NUDT18: variants seen among roughly 807,000 people sequenced by gnomAD.
NUDT18 encodes the protein nudix hydrolase 18.
NUDT18 carries 26 observed loss-of-function variants against 27.6 expected under a neutral mutation model. The ratio of observed to expected loss-of-function variants is 0.94; its 90% CI spans 0.69 to 1.31. The LOEUF (loss-of-function observed/expected upper bound fraction) is 1.31, where lower values mean the gene tolerates loss of function less well. Ranked by LOEUF, NUDT18 falls within the 50% of genes most tolerant of loss-of-function variation. The pLI is 0.00. For synonymous variants in NUDT18, 220 were observed against 196.9 expected (o/e 1.12, Z -0.98); for missense variants, 450 against 433.4 (o/e 1.04, Z -0.34).
chr8:22,107,998 C>A, intron 2 of NUDT18, 103 bp from the exon 3 acceptor site: 3 of 1,359,936 alleles, frequency 2.2e-6, no homozygotes, highest in Non-Finnish European at 2.9e-6. Flanking sequence ...AGGCCCCCAG[C>A]CCAAAGGCTG....
At chr8:22,108,802 C>T (rs1016026282) in intron 1 of NUDT18, among the ~76,000 whole-genome samples, 1 of 152,224 alleles carries the variant, frequency 6.6e-6, no homozygotes, top group Non-Finnish European at 1.5e-5. Context: ...GTCTAGTTGT[C>T]ATTACATCGC....
At chr8:22,108,507 CCT>C (rs1275121071) in intron 1 of NUDT18, among the ~76,000 whole-genome samples, 161 bp from the exon 2 acceptor site, 1 of 152,198 alleles carries the variant, frequency 6.6e-6, no homozygotes, top group Admixed American at 6.5e-5. Flanking sequence ...GGGCTGCAGC[CCT>C]CTCCTCTCTG....
rs1382887374 is a variant in NUDT18 at position 22,107,302 on chromosome 8, A to C, written c.970T>G (p.Ter324GluextTer74). 1 of 1,591,508 alleles carries C rather than the reference A, an allele frequency of 6.3e-7. No homozygotes were observed. Among genetic ancestry groups the C allele is most frequent in the Admixed American group, 1.7e-5 (1 of 57,866 alleles). Reference protein sequence around the residue: ...QGSSVVPVNR* With the variant: ...QGSSVVPVNRE ...TCCCTGTCACCTCCCCCACCTCTCTATCTGTTCACTGGGACAACAGAGGAT... is the reference window on the plus strand; with the variant it reads ...TCCCTGTCACCTCCCCCACCTCTCTCTCTGTTCACTGGGACAACAGAGGAT... Residue 324 changes from the stop codon to glutamate, a stop_lost, in exon 3 of 3, where the codon TAG becomes GAG. Coordinates refer to ENST00000611621, the MANE Select transcript of NUDT18 (RefSeq NM_024815.4).
At position 22,109,252 on chromosome 8, in the gene NUDT18, G is replaced by GGCCA. The variant is rs1476558291; in HGVS notation, c.45_48dup (p.Gln17TrpfsTer41). On this transcript the variant is annotated frameshift_variant, in exon 1 of 3. Coordinates refer to ENST00000611621, the MANE Select transcript of NUDT18 (RefSeq NM_024815.4). LOFTEE classifies it high-confidence loss of function. The stretch of plus-strand genomic sequence containing the variant: ...TCGCAGCTGTGCACGCTGGACCCCT[G>GGCCA]GCCAGCCAGCACGGAAGCCAGCGCC... 5 of 1,415,922 alleles carry GGCCA rather than the reference G, an allele frequency of 3.5e-6. No homozygotes were observed. The highest frequency in any genetic ancestry group is 3.1e-5 in the East Asian group (1 of 32,646). The allele number at this position is 1,415,922 out of a possible 1,614,324, so 87.7% of individuals were successfully genotyped here.
chr8:22,110,172 C>T (rs968228780), upstream of NUDT18, among the ~76,000 whole-genome samples: 3 of 152,238 alleles, frequency 2.0e-5, no homozygotes, highest in Non-Finnish European at 4.4e-5. Flanking sequence ...CAGCTCAAGG[C>T]CCTCTCTGCT....
Position 22,108,275 on chromosome 8 carries a change from C to T in NUDT18, c.234G>A (p.Met78Ile). 2 of 1,596,786 alleles carry T rather than the reference C, an allele frequency of 1.3e-6. No individual in the cohort carries two copies. The highest frequency in any genetic ancestry group is 1.7e-5 in the Admixed American group (1 of 57,478). Residue 78 changes from methionine (M) to isoleucine (I), a missense_variant, in exon 2 of 3, where the codon ATG (methionine) becomes ATA (isoleucine). Physicochemically the swap from Met to Ile is conservative, Grantham distance 10 (BLOSUM62 1). Coordinates refer to ENST00000611621, the MANE Select transcript of NUDT18 (RefSeq NM_024815.4). ...CCTCCACGATGGTCTCCCCTGGCTCCATTCTCCCCGCAGGCAGGTACCACG... is the reference window on the plus strand; with the variant it reads ...CCTCCACGATGGTCTCCCCTGGCTCTATTCTCCCCGCAGGCAGGTACCACG... ...RGSWYLPAGR[M>I]EPGETIVEAL...
intron 1 of NUDT18, among the ~76,000 whole-genome samples, chr8:22,108,766 C>A (rs1033713887): frequency 1.3e-5 from 2 of 152,242 alleles, no homozygotes; most frequent in Admixed American, 6.5e-5. Context: ...CCGCTCTGTA[C>A]AACCCCGCCC....
chr8:22,107,424 A>G lies in NUDT18; in HGVS notation c.848T>C (p.Ile283Thr), dbSNP rs751088298. 6.2e-7 allele frequency: 1 copy of G among 1,613,300 alleles called. No individual in the cohort carries two copies. The highest frequency in any genetic ancestry group is 1.7e-5 in the Admixed American group (1 of 60,000). Residue 283 changes from isoleucine to threonine, a missense_variant, in exon 3 of 3, where the codon ATC becomes ACC. By Grantham distance (89) the Ile-to-Thr change is moderately conservative. Coordinates refer to ENST00000611621, the MANE Select transcript of NUDT18 (RefSeq NM_024815.4). ...CCGAACTTTTGGGGGTTCATCCTGG[A>G]TCCCTGGGCTCCGAAAAGCCACGGT... is the stretch of plus-strand genomic sequence containing the variant. ...LVTVAFRSPG[I>T]QDEPPKVRGE...
chr8:22,107,103 G>A lies in NUDT18; in HGVS notation c.*197C>T, dbSNP rs1265723682. On this transcript the variant is annotated 3_prime_UTR_variant, in exon 3 of 3. Transcript: ENST00000611621. ...TCAGGTCCTGAGCTTTGGACTCCTC[G>A]CTTGGTTAAAGGCACTGTCCCTTGT... is the stretch of plus-strand genomic sequence containing the variant. 7.0e-6 allele frequency: 4 copies of A among 569,992 alleles called. No individual in the cohort carries two copies. The highest frequency in any genetic ancestry group is 6.7e-5 in the South Asian group (3 of 45,070). 35.3% of individuals were successfully genotyped at this position (569,992 alleles called of 1,614,324 possible).
chr8:22,109,281 G>T lies in NUDT18; in HGVS notation c.20C>A (p.Ala7Glu), dbSNP rs927188324. The change falls in exon 1 of 3, where the codon GCG (alanine) becomes GAG (glutamate). Residue 7 changes from alanine (A) to glutamate (E), a missense_variant. Transcript: ENST00000611621. The part of the protein sequence containing the change: MASEGL[A>E]GALASVLAGQ... Reference sequence around the variant, plus strand: ...AGCCAGCACGGAAGCCAGCGCCCCCGCCAGGCCCTCCGAGGCCATCGGGTC... The same window carrying T: ...AGCCAGCACGGAAGCCAGCGCCCCCTCCAGGCCCTCCGAGGCCATCGGGTC... 8.6e-6 allele frequency: 12 copies of T among 1,388,086 alleles called. No individual in the cohort carries two copies. Among genetic ancestry groups the T allele is most frequent in the African/African-American group, 3.1e-5 (2 of 64,270 alleles). The allele number at this position is 1,388,086 out of a possible 1,614,324, so 86.0% of individuals were successfully genotyped here. A position where few individuals can be genotyped will look rare whatever the true frequency, so the allele number is the denominator to read the frequency against.
intron 2 of NUDT18, 22 bp from the exon 3 acceptor site, chr8:22,107,917 G>T: frequency 6.5e-7 from 1 of 1,537,830 alleles, no homozygotes; most frequent in South Asian, 1.2e-5. Context: ...GTGGGGGATG[G>T]GGCAGGGAGG....
At chr8:22,109,116 C>CGGGCCCGGG in intron 1 of NUDT18, 23 bp downstream of exon 1, 3 of 1,394,616 alleles carry the variant, frequency 2.2e-6, no homozygotes, top group Non-Finnish European at 2.8e-6. Flanking sequence ...CGAGGCCCGG[C>CGGGCCCGGG]GGGCCCGGGG....
rs957069904 is a variant in NUDT18, at chr8:22,109,169, G to A, written c.132C>T (p.Tyr44=). 1 of 1,456,018 alleles carries A rather than the reference G, an allele frequency of 6.9e-7. No homozygotes were observed. 90.2% of individuals were successfully genotyped at this position (1,456,018 alleles called of 1,614,324 possible). A position where few individuals can be genotyped will look rare whatever the true frequency, so the allele number is the denominator to read the frequency against. ...APVRLRKNVC[Y]VVLAVFLSEQ... ...CGCTGAGGAACACGGCCAGCACCAC[G>A]TAGCACACGTTCTTCCGCAGCCGCA... is the stretch of plus-strand genomic sequence containing the variant. The change falls in exon 1 of 3, where the codon TAC becomes TAT. Residue 44 remains tyrosine, a synonymous_variant. Transcript: ENST00000611621.
rs184414226 is a variant in NUDT18, at chr8:22,108,290, C to G, written c.219G>C (p.Leu73=). ...CCCCTGGCTCCATTCTCCCCGCAGG[C>G]AGGTACCACGACCCCCGGCACTCCC... is the stretch of plus-strand genomic sequence containing the variant. ...AKRECRGSWY[L]PAGRMEPGET... is the part of the protein sequence containing the mutation. The change falls in exon 2 of 3, where the codon CTG becomes CTC. Residue 73 remains leucine, a synonymous_variant. Transcript: ENST00000611621. 1 of 1,594,162 alleles carries G rather than the reference C, an allele frequency of 6.3e-7. No individual in the cohort carries two copies. Among genetic ancestry groups the G allele is most frequent in the Non-Finnish European group, 8.5e-7 (1 of 1,171,684 alleles).
chr8:22,110,011 TA>T (rs1826444856), upstream of NUDT18, among the ~76,000 whole-genome samples: 1 of 139,574 alleles, frequency 7.2e-6, no homozygotes, highest in South Asian at 2.2e-4. Context: ...GGCTAAGTGC[TA>T]AATGCTTGGT....
In NUDT18 at chr8:22,107,681, G is replaced by A. The variant is rs1426730159; in HGVS notation, c.591C>T (p.Thr197=). The A allele has an allele frequency of 1.2e-6, 2 of 1,612,642 alleles. No homozygotes were observed. The highest frequency in any genetic ancestry group is 2.2e-5 in the East Asian group (1 of 44,844). ...LVCQRLVATF[T]SAQTVWVLVG... ...CTAACACCCACACTGTCTGGGCGCT[G>A]GTAAAGGTAGCCACGAGCCGCTGGC... Residue 197 remains threonine (T), a synonymous_variant, in exon 3 of 3, where the codon ACC becomes ACT. Coordinates refer to ENST00000611621, the MANE Select transcript of NUDT18 (RefSeq NM_024815.4).
Position 22,108,353 on chromosome 8 carries a change from G to A in NUDT18, c.163-7C>T. On this transcript the variant is annotated splice_polypyrimidine_tract_variant and splice_region_variant and intron_variant, in intron 1 of 2. Transcript: ENST00000611621. Reference sequence around the variant, plus strand: ...GGATCAGTAGCACCTCATCCTGAGAGGAGAGAGGATCCTCACTTCCTGCCA... The same window carrying A: ...GGATCAGTAGCACCTCATCCTGAGAAGAGAGAGGATCCTCACTTCCTGCCA... The A allele has an allele frequency of 1.9e-6, 3 of 1,560,388 alleles. No individual in the cohort carries two copies. The highest frequency in any genetic ancestry group is 1.2e-5 in the South Asian group (1 of 84,312).
upstream of NUDT18, among the ~76,000 whole-genome samples, chr8:22,110,162 C>T (rs1016304675): frequency 6.6e-6 from 1 of 152,212 alleles, no homozygotes; most frequent in African/African-American, 2.4e-5. Flanking sequence ...ATTTCCCACG[C>T]AGCTCAAGGC....
rs1318035014 is a variant in NUDT18, at chr8:22,109,372, G to A, written c.-72C>T. 3.0e-6 allele frequency: 4 copies of A among 1,312,492 alleles called. No homozygotes were observed. Among genetic ancestry groups the A allele is most frequent in the Non-Finnish European group, 9.7e-7 (1 of 1,028,276 alleles). The allele number at this position is 1,312,492 out of a possible 1,614,324, so 81.3% of individuals were successfully genotyped here. A position where few individuals can be genotyped will look rare whatever the true frequency, so the allele number is the denominator to read the frequency against. On this transcript the variant is annotated 5_prime_UTR_variant, in exon 1 of 3. Transcript: ENST00000611621. The stretch of plus-strand genomic sequence containing the variant: ...GCCGAGCCGCGGGCTAGAGTGCGCT[G>A]CGGAGCCCGCTCCCAGTCCCTGCGG...
Sources: gnomAD v4.1 joint callset for allele counts (sites outside exome capture counted in the v4.1 genomes callset) on GRCh38, gnomAD v4.1.1 for gene constraint, MANE v1.5 for transcripts, NCBI Gene and HGNC (gene_info 2026-07-23, HGNC 2026-07-21) for gene names.